Variants in WDR27 observed in about 807,000 individuals in gnomAD.
WDR27 encodes the protein WD repeat-containing protein 27.
In WDR27, 100 loss-of-function variants were observed where a neutral mutation model predicts 114.4. The observed-to-expected ratio is 0.87, with a 90% confidence interval of 0.74 to 1.03. The LOEUF (loss-of-function observed/expected upper bound fraction) is 1.03, where lower values mean the gene tolerates loss of function less well. WDR27 is among the 50% of genes least tolerant of loss of function. WDR27 has a pLI of 0.00. For missense variants in WDR27, 1,129 were observed against 1,092.9 expected (o/e 1.03, Z -0.47); for synonymous variants, 449 against 423.1 (o/e 1.06, Z -0.75).
chr6:169,544,835 G>A (rs1797253571), intron 25 of WDR27, among the ~76,000 whole-genome samples: 1 of 152,182 alleles, frequency 6.6e-6, no homozygotes, highest in Admixed American at 6.5e-5. Context: ...TATATACCTA[G>A]GTATAACTTT....
chr6:169,665,542 T>C lies in WDR27; in HGVS notation c.727A>G (p.Ser243Gly), dbSNP rs377106103. ...CTGCTTTCTGCATCAATGAATAAAC[T>C]GAGAAGAGGATATGCTGGTGAAAGG... ...SSVLSAYPLL[S>G]LFIDAESRQL... Residue 243 changes from serine to glycine, a missense_variant, in exon 7 of 26, where the codon AGT becomes GGT. Ser to Gly is a moderately conservative substitution (Grantham distance 56). Transcript: ENST00000448612. The C allele has an allele frequency of 2.5e-6, 4 of 1,613,654 alleles. No homozygotes were observed. In the African/African-American group the frequency reaches 4.0e-5, roughly 16 times the overall value.
At chr6:169,557,331 G>A (rs2128109438) in intron 25 of WDR27, among the ~76,000 whole-genome samples, 1 of 152,354 alleles carries the variant, frequency 6.6e-6, no homozygotes, top group East Asian at 1.9e-4. Context: ...AACAGACAAA[G>A]CCAGTCTGTG....
chr6:169,529,218 G>A (rs369661970), intron 25 of WDR27, among the ~76,000 whole-genome samples: 2 of 148,352 alleles, frequency 1.3e-5, no homozygotes, highest in Non-Finnish European at 1.5e-5. Context: ...CACTATGTGC[G>A]TGTGCATATA....
chr6:169,575,265 T>TCTCTCTCCATCCATCCCTCCCTCCCTCC (rs1802077769), intron 24 of WDR27, among the ~76,000 whole-genome samples: 1 of 143,100 alleles, frequency 7.0e-6, no homozygotes, highest in Non-Finnish European at 1.6e-5. Flanking sequence ...CCTCCTTCCC[T>TCTCTCTCCATCCATCCCTCCCTCCCTCC]CTCTCTCCAT....
intron 22 of WDR27, among the ~76,000 whole-genome samples, chr6:169,608,815 C>T (rs1400000238): frequency 6.6e-6 from 1 of 152,208 alleles, no homozygotes; most frequent in African/African-American, 2.4e-5. Flanking sequence ...CAAAAGTCCA[C>T]AGTCCAAAGT....
intron 25 of WDR27, among the ~76,000 whole-genome samples, chr6:169,523,729 T>C (rs1391668810): frequency 2.0e-5 from 3 of 152,032 alleles, no homozygotes; most frequent in Non-Finnish European, 4.4e-5. Flanking sequence ...CATTTGATAA[T>C]ACTAAACATC....
At chr6:169,617,751 A>G (rs2473440) in intron 21 of WDR27, among the ~76,000 whole-genome samples, 143,167 of 152,236 alleles carry the variant, frequency 0.94, 67,393 homozygotes, top group East Asian at 0.99. Context: ...TACTGTACAC[A>G]TGGCTGGCAG....
At chr6:169,615,251 G>A (rs1811525990) in intron 21 of WDR27, among the ~76,000 whole-genome samples, 2 of 151,988 alleles carry the variant, frequency 1.3e-5, no homozygotes, top group South Asian at 4.2e-4. Flanking sequence ...TTAGGTTCAG[G>A]GGTACACGTG....
At chr6:169,464,277 A>G (rs1013511999) in intron 25 of WDR27, among the ~76,000 whole-genome samples, 1 of 152,248 alleles carries the variant, frequency 6.6e-6, no homozygotes, top group African/African-American at 2.4e-5. Flanking sequence ...AGACCATTCA[A>G]TGGAGAAAAG....
At chr6:169,480,044 C>T (rs112788343) in intron 25 of WDR27, among the ~76,000 whole-genome samples, 1,777 of 152,270 alleles carry the variant, frequency 0.012, 37 homozygotes, top group African/African-American at 0.041. Context: ...GAGGGAGAGG[C>T]GTGGGCAGGA....
At chr6:169,655,457 C>A (rs1408502105) in intron 13 of WDR27, among the ~76,000 whole-genome samples, 3 of 152,234 alleles carry the variant, frequency 2.0e-5, no homozygotes, top group African/African-American at 7.2e-5. Flanking sequence ...ATCGTGGGTA[C>A]ATAAACCGCA....
Position 169,656,728 on chromosome 6 carries a change from G to C in WDR27, c.1402+1548C>G, listed in dbSNP as rs531643120. On this transcript the variant is annotated intron_variant, in intron 13 of 25. Coordinates refer to ENST00000448612, the MANE Select transcript of WDR27 (RefSeq NM_182552.5). The stretch of plus-strand genomic sequence containing the variant: ...CCGACAGCTCCCAGCTCCGCATTAG[G>C]CCGCAGCAGCCCAGGGGCATTCTCT... 3.9e-5 allele frequency among the ~76,000 whole-genome samples: 6 copies of C among 152,336 alleles called. No individual in the cohort carries two copies. In the South Asian group the frequency reaches 1.2e-3, roughly 32 times the overall value.
intron 25 of WDR27, among the ~76,000 whole-genome samples, chr6:169,550,803 C>T (rs1442172666): frequency 1.3e-5 from 2 of 152,126 alleles, no homozygotes; most frequent in Non-Finnish European, 2.9e-5. Context: ...GCAGCCTTGA[C>T]CTCCTGGGCT....
chr6:169,609,532 C>T (rs1433211277), intron 22 of WDR27, among the ~76,000 whole-genome samples: 1 of 152,094 alleles, frequency 6.6e-6, no homozygotes, highest in Non-Finnish European at 1.5e-5. Flanking sequence ...TCTATGTTGG[C>T]CCCTTTCAGC....
At chr6:169,664,425 C>G (rs1375644859) in intron 7 of WDR27, 139 bp from the exon 8 acceptor site, 1 of 1,523,648 alleles carries the variant, frequency 6.6e-7, no homozygotes, top group African/African-American at 1.4e-5. Flanking sequence ...CCCGGCACAG[C>G]TGTCTCCTGC....
chr6:169,655,459 T>G (rs1288320709), intron 13 of WDR27, among the ~76,000 whole-genome samples: 1 of 152,172 alleles, frequency 6.6e-6, no homozygotes, highest in Non-Finnish European at 1.5e-5. Context: ...CGTGGGTACA[T>G]AAACCGCAGT....
intron 24 of WDR27, among the ~76,000 whole-genome samples, chr6:169,580,683 T>A (rs1238984171): frequency 6.6e-6 from 1 of 152,118 alleles, no homozygotes; most frequent in African/African-American, 2.4e-5. Context: ...CTGAGAAAAT[T>A]TAAGTGATCA....
In WDR27 at chr6:169,665,599, G is replaced by C. The variant is rs577447702; in HGVS notation, c.713-43C>G. ...GGAAAATTTAGCTTTGTAAGTGCCTGGTACCAATTAACCCGAGAACTGTCA... is the reference window on the plus strand; with the variant it reads ...GGAAAATTTAGCTTTGTAAGTGCCTCGTACCAATTAACCCGAGAACTGTCA... On this transcript the variant is annotated intron_variant, in intron 6 of 25. Coordinates refer to ENST00000448612, the MANE Select transcript of WDR27 (RefSeq NM_182552.5). The C allele has an allele frequency of 4.9e-4, 779 of 1,581,118 alleles. 12 individuals are homozygous for C. In the South Asian group the frequency reaches 8.4e-3, roughly 17 times the overall value.
intron 1 of WDR27, among the ~76,000 whole-genome samples, chr6:169,690,455 T>C (rs1784194316): frequency 6.6e-6 from 1 of 152,200 alleles, no homozygotes; most frequent in Admixed American, 6.5e-5. Context: ...TTTATCTTCA[T>C]GTTCCATTCC....
Sources: allele counts gnomAD v4.1 joint callset (sites outside exome capture counted in the v4.1 genomes callset), GRCh38; gene constraint gnomAD v4.1.1; transcripts MANE v1.5; gene names NCBI Gene and HGNC (gene_info 2026-07-23, HGNC 2026-07-21).